Variants in DEFB1 observed in about 807,000 individuals in gnomAD.
The protein encoded by DEFB1 is beta-defensin 1.
Under a neutral mutation model 2.6 loss-of-function variants are expected in DEFB1, and 4 were observed. The ratio of observed to expected loss-of-function variants is 1.53; its 90% CI spans 0.76 to 3.51. The LOEUF (loss-of-function observed/expected upper bound fraction) is 3.51, where lower values mean the gene tolerates loss of function less well. DEFB1 is among the 30% of genes most tolerant of loss of function. The pLI is 0.01. For missense variants in DEFB1, 162 were observed against 76.9 expected, an observed-to-expected ratio of 2.11 and a Z score of -4.14; for synonymous variants, 56 against 28.5, an observed-to-expected ratio of 1.96 and a Z score of -3.07.
At chr8:6,872,448 A>G (rs2977781) in intron 1 of DEFB1, among the ~76,000 whole-genome samples, 27,044 of 152,070 alleles carry the variant, frequency 0.18, 2,600 homozygotes, top group Admixed American at 0.24. Flanking sequence ...ATTCAACTTC[A>G]TTTCAATAGA....
Position 6,870,718 on chromosome 8 carries a change from C to A in DEFB1, c.170G>T (p.Gly57Val), listed in dbSNP as rs763445236. The A allele has an allele frequency of 1.9e-6, 3 of 1,614,208 alleles. No homozygotes were observed. In the South Asian group the frequency reaches 3.3e-5, roughly 18 times the overall value. Reference sequence around the variant, plus strand: ...CTTGGCCTTCCCTCTGTAACAGGTGCCTTGAATTTTGGTAAAGATCGGGCA... The same window carrying A: ...CTTGGCCTTCCCTCTGTAACAGGTGACTTGAATTTTGGTAAAGATCGGGCA... ...SACPIFTKIQ[G>V]TCYRGKAKCC... Residue 57 changes from glycine to valine, a missense_variant, in exon 2 of 2, where the codon GGC becomes GTC. Physicochemically the swap from Gly to Val is moderately radical, Grantham distance 109 (BLOSUM62 -3). Coordinates refer to ENST00000297439, the MANE Select transcript of DEFB1 (RefSeq NM_005218.4).
At chr8:6,877,007 A>G (rs5743428) in intron 1 of DEFB1, among the ~76,000 whole-genome samples, 4,292 of 152,328 alleles carry the variant, frequency 0.028, 105 homozygotes, top group South Asian at 0.081. Context: ...AGAGAAACTT[A>G]CAATAGGATC....
intron 1 of DEFB1, among the ~76,000 whole-genome samples, chr8:6,875,846 A>G (rs141372769): frequency 4.3e-5 from 6 of 138,118 alleles, no homozygotes; most frequent in Non-Finnish European, 9.3e-5. Flanking sequence ...CAACCTGAAT[A>G]TTAATTAGTG....
At position 6,870,614 on chromosome 8, in the gene DEFB1, T is replaced by G; in HGVS notation, c.*67A>C. ...AGGTATACTTCAAAAGCAATTTTCCTTTATTAAAAGAATGCTTATAAAAAG... is the reference window on the plus strand; with the variant it reads ...AGGTATACTTCAAAAGCAATTTTCCGTTATTAAAAGAATGCTTATAAAAAG... On this transcript the variant is annotated 3_prime_UTR_variant, in exon 2 of 2. Transcript: ENST00000297439. The G allele has an allele frequency of 6.4e-7, 1 of 1,568,418 alleles. No homozygotes were observed. Among genetic ancestry groups the G allele is most frequent in the Non-Finnish European group, 8.6e-7 (1 of 1,160,176 alleles).
chr8:6,876,509 C>A (rs184911375), intron 1 of DEFB1, among the ~76,000 whole-genome samples: 1 of 151,512 alleles, frequency 6.6e-6, no homozygotes, highest in South Asian at 2.1e-4. Flanking sequence ...CAAAAAAACA[C>A]GGTAGGCTGA....
chr8:6,870,612 C>T lies in DEFB1; in HGVS notation c.*69G>A, dbSNP rs1029898047. ...GGAGGTATACTTCAAAAGCAATTTT[C>T]CTTTATTAAAAGAATGCTTATAAAA... is the stretch of plus-strand genomic sequence containing the variant. On this transcript the variant is annotated 3_prime_UTR_variant, in exon 2 of 2. Transcript: ENST00000297439. The T allele has an allele frequency of 2.0e-5, 32 of 1,565,270 alleles. No homozygotes were observed. Among genetic ancestry groups the T allele is most frequent in the Middle Eastern group, 3.4e-4 (2 of 5,814 alleles).
chr8:6,876,198 T>C (rs2978864), intron 1 of DEFB1, among the ~76,000 whole-genome samples: 125,146 of 152,064 alleles, frequency 0.82, 51,719 homozygotes, highest in Middle Eastern at 0.89. Context: ...AAACATGGGC[T>C]GGGCGTGGTG....
chr8:6,875,947 G>T (rs1806510319), intron 1 of DEFB1, among the ~76,000 whole-genome samples: 1 of 152,116 alleles, frequency 6.6e-6, no homozygotes, highest in Admixed American at 6.5e-5. Context: ...TGACTGGGAA[G>T]GCTCGAGAAT....
At chr8:6,875,110 C>A (rs5743457) in intron 1 of DEFB1, among the ~76,000 whole-genome samples, 1,576 of 143,254 alleles carry the variant, frequency 0.011, 35 homozygotes, top group African/African-American at 0.037. Flanking sequence ...ACACACACAC[C>A]CCATTGCCAG....
intron 1 of DEFB1, among the ~76,000 whole-genome samples, chr8:6,875,942 G>C (rs1385116312): frequency 6.6e-6 from 1 of 152,106 alleles, no homozygotes; most frequent in Non-Finnish European, 1.5e-5. Flanking sequence ...AGTTGTGACT[G>C]GGAAGGCTCG....
rs770858873 is a variant in DEFB1, at chr8:6,870,843, C to G, written c.62-17G>C. On this transcript the variant is annotated splice_polypyrimidine_tract_variant and intron_variant, in intron 1 of 1. Coordinates refer to ENST00000297439, the MANE Select transcript of DEFB1 (RefSeq NM_005218.4). ...AGTTACCACCTGTAAGGAGGGAACACAAACACTTCAGACTCATGGCTTGTA... is the reference window on the plus strand; with the variant it reads ...AGTTACCACCTGTAAGGAGGGAACAGAAACACTTCAGACTCATGGCTTGTA... The G allele has an allele frequency of 1.9e-6, 3 of 1,606,204 alleles. No individual in the cohort carries two copies. The highest frequency in any genetic ancestry group is 2.2e-5 in the East Asian group (1 of 44,760).
At chr8:6,874,285 C>A (rs1407022128) in intron 1 of DEFB1, among the ~76,000 whole-genome samples, 2 of 152,104 alleles carry the variant, frequency 1.3e-5, no homozygotes, top group African/African-American at 4.8e-5. Context: ...ATTATGAAGG[C>A]CTGAAACATT....
At chr8:6,871,710 G>T (rs912857955) in intron 1 of DEFB1, among the ~76,000 whole-genome samples, 5 of 152,178 alleles carry the variant, frequency 3.3e-5, no homozygotes, top group Non-Finnish European at 2.9e-5. Context: ...AAGAGATTGG[G>T]ACAGACACAC....
Position 6,870,683 on chromosome 8 carries a change from A to T in DEFB1, c.205T>A (p.Ter69ArgextTer8). ...CATTTCTTCTGGTCACTCCCAGCTC[A>T]CTTGCAGCACTTGGCCTTCCCTCTG... ...CYRGKAKCCK[*>R] Residue 69 changes from the stop codon to arginine (R), a stop_lost, in exon 2 of 2, where the codon TGA becomes AGA. Coordinates refer to ENST00000297439, the MANE Select transcript of DEFB1 (RefSeq NM_005218.4). 1 of 1,613,666 alleles carries T rather than the reference A, an allele frequency of 6.2e-7. No homozygotes were observed. Among genetic ancestry groups the T allele is most frequent in the Non-Finnish European group, 8.5e-7 (1 of 1,179,938 alleles).
At chr8:6,870,944 A>T in intron 1 of DEFB1, 118 bp from the exon 2 acceptor site, 4 of 1,165,876 alleles carry the variant, frequency 3.4e-6, no homozygotes, top group Non-Finnish European at 4.7e-6. Flanking sequence ...CTCTTCCAAG[A>T]AATTGGCCCA....
intron 1 of DEFB1, among the ~76,000 whole-genome samples, chr8:6,876,888 A>C (rs1806551975): frequency 6.6e-6 from 1 of 151,648 alleles, no homozygotes. Flanking sequence ...AGCAACTGGC[A>C]GCATGAAAAG....
chr8:6,870,693 C>T lies in DEFB1; in HGVS notation c.195G>A (p.Lys65=), dbSNP rs751589577. 1 of 1,613,982 alleles carries T rather than the reference C, an allele frequency of 6.2e-7. No individual in the cohort carries two copies. Among genetic ancestry groups the T allele is most frequent in the African/African-American group, 1.3e-5 (1 of 74,930 alleles). The part of the protein sequence containing the change: ...IQGTCYRGKA[K]CCK ...GGTCACTCCCAGCTCACTTGCAGCA[C>T]TTGGCCTTCCCTCTGTAACAGGTGC... Residue 65 remains lysine, a synonymous_variant, in exon 2 of 2, where the codon AAG becomes AAA. Coordinates refer to ENST00000297439, the MANE Select transcript of DEFB1 (RefSeq NM_005218.4).
intron 1 of DEFB1, among the ~76,000 whole-genome samples, chr8:6,874,710 G>A (rs1369579619): frequency 6.6e-6 from 1 of 152,164 alleles, no homozygotes; most frequent in Non-Finnish European, 1.5e-5. Flanking sequence ...GGCTGGGCAT[G>A]GTGGCTCATG....
chr8:6,874,141 ACACACG>A (rs201345889), intron 1 of DEFB1, among the ~76,000 whole-genome samples: 1,146 of 68,310 alleles, frequency 0.017, 6 homozygotes, highest in East Asian at 0.089. Flanking sequence ...ACACACACAC[ACACACG>A]CACACACACG....
Sources: gnomAD v4.1 joint callset for allele counts (sites outside exome capture counted in the v4.1 genomes callset) on GRCh38, gnomAD v4.1.1 for gene constraint, MANE v1.5 for transcripts, NCBI Gene and HGNC (gene_info 2026-07-23, HGNC 2026-07-21) for gene names.